CASZ1: variants seen among roughly 807,000 people sequenced by gnomAD.
CASZ1 encodes castor zinc finger 1, also known as zinc finger protein castor homolog 1.
CASZ1 carries 28 observed loss-of-function variants against 135.2 expected under a neutral mutation model. That is an observed-to-expected ratio of 0.21 (90% confidence interval 0.15 to 0.28). The LOEUF (loss-of-function observed/expected upper bound fraction) is 0.28, where lower values mean the gene tolerates loss of function less well. CASZ1 is among the 10% of genes least tolerant of loss of function. The pLI, the probability that CASZ1 is intolerant of heterozygous loss-of-function variation, is 1.00. For synonymous variants in CASZ1, 1,068 were observed against 1,073.4 expected, an observed-to-expected ratio of 0.99 and a Z score of 0.10; for missense variants, 2,161 against 2,453.3, an observed-to-expected ratio of 0.88 and a Z score of 2.52.
At chr1:10,744,731 C>A (rs1406075965) in intron 2 of CASZ1, among the ~76,000 whole-genome samples, 1 of 65,098 alleles carries the variant, frequency 1.5e-5, no homozygotes, top group East Asian at 3.3e-4. Context: ...ATGTCCTGGG[C>A]GACAGGGGAA....
In CASZ1 at chr1:10,706,766, G is replaced by A. The variant is rs1399018000; in HGVS notation, c.-76-1222C>T. On this transcript the variant is annotated intron_variant, in intron 2 of 20. Coordinates refer to ENST00000377022, the MANE Select transcript of CASZ1 (RefSeq NM_001079843.3). The surrounding 1 kb of genome is among the most constrained non-coding windows in gnomAD (Gnocchi z 4.3). ...CCCTGCCAGATACAGGGCTCTGGGA[G>A]GGCTGAGAGCCCGGTGGGTTGGTGG... 6.6e-6 allele frequency among the ~76,000 whole-genome samples: 1 copy of A among 152,204 alleles called. No individual in the cohort carries two copies. The highest frequency in any genetic ancestry group is 2.4e-5 in the African/African-American group (1 of 41,442).
chr1:10,789,439 A>C (rs1251111157), intron 1 of CASZ1, among the ~76,000 whole-genome samples: 1 of 145,832 alleles, frequency 6.9e-6, no homozygotes, highest in African/African-American at 2.5e-5. Context: ...TGTTAGGATT[A>C]CCCAGCATTT....
In CASZ1 at chr1:10,647,427, G is replaced by A; in HGVS notation, c.3497+374C>T. On this transcript the variant is annotated intron_variant, in intron 16 of 20. Transcript: ENST00000377022. The surrounding 1 kb of genome is among the most constrained non-coding windows in gnomAD (Gnocchi z 4.9). ...CCTGCAGAGATTCAGCCATGGGTGTGAGCCACAGAGGAGGCCAATACGGAG... is the reference window on the plus strand; with the variant it reads ...CCTGCAGAGATTCAGCCATGGGTGTAAGCCACAGAGGAGGCCAATACGGAG... 1 of 1,138,074 alleles carries A rather than the reference G, an allele frequency of 8.8e-7. No individual in the cohort carries two copies. The highest frequency in any genetic ancestry group is 1.1e-6 in the Non-Finnish European group (1 of 921,382). 70.5% of individuals were successfully genotyped at this position (1,138,074 alleles called of 1,614,324 possible). A position where few individuals can be genotyped will look rare whatever the true frequency, so the allele number is the denominator to read the frequency against.
intron 5 of CASZ1, 50 bp from the exon 6 acceptor site, chr1:10,660,586 C>A (rs1446336942): frequency 4.6e-6 from 7 of 1,534,956 alleles, no homozygotes; most frequent in Non-Finnish European, 6.2e-6. Flanking sequence ...GTGGGAGGGA[C>A]AGGAGGTCCC....
chr1:10,696,042 A>G (rs776135569), intron 3 of CASZ1, among the ~76,000 whole-genome samples: 1 of 152,206 alleles, frequency 6.6e-6, no homozygotes, highest in Non-Finnish European at 1.5e-5. Flanking sequence ...ATCCAGCAAC[A>G]TGGCGCTGGC....
At chr1:10,787,665 A>G (rs1355396508) in intron 1 of CASZ1, among the ~76,000 whole-genome samples, 1 of 151,934 alleles carries the variant, frequency 6.6e-6, no homozygotes, top group Non-Finnish European at 1.5e-5. Context: ...ACACACACAC[A>G]CGCATACACA....
chr1:10,659,022 C>A (rs567267017), intron 6 of CASZ1, among the ~76,000 whole-genome samples: 2 of 152,178 alleles, frequency 1.3e-5, no homozygotes, highest in Admixed American at 6.5e-5. Context: ...GTCCGGGAGC[C>A]CCCCCAGGGT....
At chr1:10,710,781 A>C (rs899233101) in intron 2 of CASZ1, among the ~76,000 whole-genome samples, 2 of 152,250 alleles carry the variant, frequency 1.3e-5, no homozygotes. Context: ...ATCATCAGGC[A>C]CTCACTGAGC....
chr1:10,731,258 A>G (rs1639698283), intron 2 of CASZ1, among the ~76,000 whole-genome samples: 1 of 152,132 alleles, frequency 6.6e-6, no homozygotes, highest in African/African-American at 2.4e-5. Flanking sequence ...CTTGAGCAAC[A>G]TAGTGAGATC....
At chr1:10,689,288 A>C (rs1638691450) in intron 4 of CASZ1, among the ~76,000 whole-genome samples, 1 of 152,242 alleles carries the variant, frequency 6.6e-6, no homozygotes, top group Admixed American at 6.5e-5. Flanking sequence ...GCCTTGAGCC[A>C]GGGCAGCCAC....
rs1643232138 is a variant in CASZ1, at chr1:10,666,317, G to A, written c.17-746C>T. On this transcript the variant is annotated intron_variant, in intron 4 of 20. Transcript: ENST00000377022. The surrounding 1 kb of genome is among the most constrained non-coding windows in gnomAD (Gnocchi z 5.2). ...CCTCCCTGCCTCAGGGTCTTCTCCAGCCCTTGCCAGCCCCCTCTTGGCCTC... is the reference window on the plus strand; with the variant it reads ...CCTCCCTGCCTCAGGGTCTTCTCCAACCCTTGCCAGCCCCCTCTTGGCCTC... Among the ~76,000 whole-genome samples the A allele has an allele frequency of 6.6e-6, 1 of 152,144 alleles. No homozygotes were observed. Among genetic ancestry groups the A allele is most frequent in the East Asian group, 1.9e-4 (1 of 5,198 alleles).
rs918244549 is a variant in CASZ1 at position 10,794,192 on chromosome 1, TGTGTGTGC to T, written c.-234+2364_-234+2371del. On this transcript the variant is annotated intron_variant, in intron 1 of 20. Coordinates refer to ENST00000377022, the MANE Select transcript of CASZ1 (RefSeq NM_001079843.3). This position sits in a 1 kb window ranked among gnomAD's most constrained non-coding sequence, Gnocchi z 5.6. ...ATGTGTATGCGTGTGTGTGTGTGTG[TGTGTGTGC>T]GCGCGCGCGCGCGTCGTGGGTTGGG... 6.8e-5 allele frequency among the ~76,000 whole-genome samples: 10 copies of T among 147,498 alleles called. No individual in the cohort carries two copies. The highest frequency in any genetic ancestry group is 2.7e-4 in the African/African-American group (10 of 37,480).
Position 10,665,168 on chromosome 1 carries a change from G to A in CASZ1, c.420C>T (p.Ser140=), listed in dbSNP as rs1643187089. The A allele has an allele frequency of 1.3e-6, 2 of 1,557,886 alleles. No homozygotes were observed. Among genetic ancestry groups the A allele is most frequent in the Non-Finnish European group, 8.7e-7 (1 of 1,149,098 alleles). The change falls in exon 5 of 21, where the codon TCC becomes TCT. Residue 140 remains serine (S), a synonymous_variant. Transcript: ENST00000377022. Reference sequence around the variant, plus strand: ...TCTCCTCCAGGGCACCGCCGTCCTTGGAGGGCTCCTCCGCGTGGTCTTCCT... The same window carrying A: ...TCTCCTCCAGGGCACCGCCGTCCTTAGAGGGCTCCTCCGCGTGGTCTTCCT... ...SDEEDHAEEP[S]KDGGALEEKD... is the part of the protein sequence containing the mutation.
At chr1:10,683,611 C>G (rs1474960612) in intron 4 of CASZ1, among the ~76,000 whole-genome samples, 1 of 152,184 alleles carries the variant, frequency 6.6e-6, no homozygotes, top group African/African-American at 2.4e-5. Flanking sequence ...GGAGAATGCC[C>G]GTTCGGTTAG....
chr1:10,780,895 G>A (rs1640751665), intron 1 of CASZ1, among the ~76,000 whole-genome samples: 1 of 152,128 alleles, frequency 6.6e-6, no homozygotes, highest in African/African-American at 2.4e-5. Flanking sequence ...ATCCCACAAA[G>A]AGTCACAGCG....
In CASZ1 at chr1:10,639,746, G is replaced by T. The variant is rs761001672; in HGVS notation, c.4476C>A (p.Phe1492Leu). The change falls in exon 21 of 21, where the codon TTC becomes TTA. Residue 1492 changes from phenylalanine (F) to leucine (L), a missense_variant. By Grantham distance (22) the Phe-to-Leu change is conservative. Around this residue, in one of 7 missense-constraint regions of CASZ1, gnomAD observed 240 missense variants for 321.4 expected, o/e 0.75. Transcript: ENST00000377022. The surrounding 1 kb of genome is among the most constrained non-coding windows in gnomAD (Gnocchi z 4.0). ...DRVDNLVLDDFKRFKASLSCH... is the reference protein window; with the variant it reads ...DRVDNLVLDDLKRFKASLSCH... Reference sequence around the variant, plus strand: ...AGCTGAGTGAGGCCTTGAAGCGCTTGAAGTCGTCCAGCACCAGGTTGTCCA... The same window carrying T: ...AGCTGAGTGAGGCCTTGAAGCGCTTTAAGTCGTCCAGCACCAGGTTGTCCA... 1 of 1,595,060 alleles carries T rather than the reference G, an allele frequency of 6.3e-7. No homozygotes were observed. The highest frequency in any genetic ancestry group is 1.8e-5 in the Admixed American group (1 of 56,914).
rs965862558 is a variant in CASZ1, at chr1:10,793,757, G to T, written c.-234+2807C>A. Among the ~76,000 whole-genome samples the T allele has an allele frequency of 1.7e-4, 26 of 152,010 alleles. 1 individual carries two copies. The highest frequency in any genetic ancestry group is 4.6e-4 in the African/African-American group (19 of 41,452). On this transcript the variant is annotated intron_variant, in intron 1 of 20. Transcript: ENST00000377022. ...GGGGCGGCGATCTCTCCAATTCGCC[G>T]GACTCTGGGGACAGAGATGGTGGCT... is the stretch of plus-strand genomic sequence containing the variant.
intron 2 of CASZ1, among the ~76,000 whole-genome samples, chr1:10,728,829 G>C (rs1270452527): frequency 6.6e-6 from 1 of 152,128 alleles, no homozygotes; most frequent in Non-Finnish European, 1.5e-5. Context: ...GCCGGCGCTT[G>C]AAGACTCAAT....
intron 1 of CASZ1, among the ~76,000 whole-genome samples, chr1:10,790,799 G>C (rs1401862751): frequency 6.6e-6 from 1 of 152,054 alleles, no homozygotes; most frequent in African/African-American, 2.4e-5. Flanking sequence ...TTTTAAAAAG[G>C]GGGAGAGGAT....
Sources: gnomAD v4.1 joint callset for allele counts (sites outside exome capture counted in the v4.1 genomes callset) on GRCh38, gnomAD v4.1.1 for gene constraint, gnomAD v4.1.1 regional missense constraint, Gnocchi (gnomAD v3.1) non-coding constraint, MANE v1.5 for transcripts, NCBI Gene and HGNC (gene_info 2026-07-23, HGNC 2026-07-21) for gene names.